The following DPY19L3 variants were observed in gnomAD, a reference collection of about 807,000 sequenced individuals.
DPY19L3 encodes the protein protein C-mannosyl-transferase DPY19L3.
A neutral mutation model predicts 92.3 loss-of-function variants in DPY19L3; 51 were observed. That is an observed-to-expected ratio of 0.55 (90% CI 0.44 to 0.70). The LOEUF is 0.70. DPY19L3 is among the 30% of genes least tolerant of loss of function. The pLI is 0.00. For missense variants in DPY19L3, 706 were observed against 855.9 expected (o/e 0.82, Z 2.18); for synonymous variants, 309 against 315.2 (o/e 0.98, Z 0.21).
rs1969180274 is a variant in DPY19L3, at chr19:32,437,459, T to C, written c.596+120T>C. The C allele has an allele frequency of 1.9e-5, 22 of 1,186,574 alleles. No individual in the cohort carries two copies. The South Asian group carries it at 3.6e-4, about 20-fold the overall frequency. The allele number at this position is 1,186,574 out of a possible 1,614,324, so 73.5% of individuals were successfully genotyped here. A position where few individuals can be genotyped will look rare whatever the true frequency, so the allele number is the denominator to read the frequency against. On this transcript the variant is annotated intron_variant, in intron 6 of 18. Coordinates refer to ENST00000392250, the MANE Select transcript of DPY19L3 (RefSeq NM_001172774.2). ...TTGTTTGGTTGGGAGCAGTTTCTCT[T>C]TGGTTTGCCTGGTGGTTTACTCAAT...
At chr19:32,451,692 C>A (rs1414420192) in intron 8 of DPY19L3, among the ~76,000 whole-genome samples, 1 of 152,126 alleles carries the variant, frequency 6.6e-6, no homozygotes, top group Non-Finnish European at 1.5e-5. Context: ...TTAGGGACTG[C>A]CTTTTTTTTC....
At chr19:32,416,596 A>G (rs747222174) in intron 3 of DPY19L3, among the ~76,000 whole-genome samples, 3 of 152,246 alleles carry the variant, frequency 2.0e-5, no homozygotes, top group Non-Finnish European at 2.9e-5. Context: ...TTATGACTAC[A>G]GATTTATTAT....
At chr19:32,458,641 G>A (rs574406819) in intron 12 of DPY19L3, 132 bp downstream of exon 12, 33 of 915,616 alleles carry the variant, frequency 3.6e-5, no homozygotes, top group Admixed American at 2.9e-4. Context: ...AACATACCTC[G>A]TTTAGAGTGG....
Position 32,410,267 on chromosome 19 carries a change from G to A in DPY19L3, c.104-972G>A, listed in dbSNP as rs1463029792. Among the ~76,000 whole-genome samples the A allele has an allele frequency of 2.0e-5, 3 of 151,800 alleles. No homozygotes were observed. In the East Asian group the frequency reaches 5.8e-4, roughly 29 times the overall value. ...TCATGTCCTTAATCTTTTTCCTACT[G>A]CAGTATTCATCTTGACAGGACAATA... On this transcript the variant is annotated intron_variant, in intron 2 of 18. Coordinates refer to ENST00000392250, the MANE Select transcript of DPY19L3 (RefSeq NM_001172774.2).
intron 16 of DPY19L3, among the ~76,000 whole-genome samples, chr19:32,476,799 C>T (rs950209136): frequency 6.6e-6 from 1 of 152,072 alleles, no homozygotes; most frequent in Non-Finnish European, 1.5e-5. Context: ...AAAATAATTG[C>T]GTTTTCACAT....
intron 16 of DPY19L3, among the ~76,000 whole-genome samples, chr19:32,471,645 G>A (rs924975646): frequency 6.6e-6 from 1 of 152,268 alleles, no homozygotes; most frequent in Non-Finnish European, 1.5e-5. Context: ...GAGGCATTAC[G>A]TTGTGCTCCT....
chr19:32,454,583 A>G (rs1969807492), intron 9 of DPY19L3, among the ~76,000 whole-genome samples: 1 of 152,192 alleles, frequency 6.6e-6, no homozygotes, highest in Non-Finnish European at 1.5e-5. Context: ...CAAAAGAAAA[A>G]GAAAAAAAGA....
chr19:32,473,874 G>A (rs1970427813), intron 16 of DPY19L3, among the ~76,000 whole-genome samples: 1 of 152,162 alleles, frequency 6.6e-6, no homozygotes, highest in African/African-American at 2.4e-5. Context: ...CGTGATCTCG[G>A]CTCACTGCAA....
chr19:32,478,629 G>T (rs997006724), intron 17 of DPY19L3, among the ~76,000 whole-genome samples: 1 of 152,144 alleles, frequency 6.6e-6, no homozygotes, highest in African/African-American at 2.4e-5. Context: ...GGAGGGTGGT[G>T]CCCCTTTCTC....
Position 32,478,316 on chromosome 19 carries a change from C to T in DPY19L3, c.1830+662C>T, listed in dbSNP as rs926533531. Among the ~76,000 whole-genome samples, 5 of 152,186 alleles carry T rather than the reference C, an allele frequency of 3.3e-5. No homozygotes were observed. The South Asian group carries it at 6.2e-4, about 19-fold the overall frequency. On this transcript the variant is annotated intron_variant, in intron 17 of 18. Transcript: ENST00000392250. ...CCCAGGGAAGAACCGAGAAGACACA[C>T]GCCTTGAGATGTGCAGAAGAGCGCA...
intron 3 of DPY19L3, among the ~76,000 whole-genome samples, chr19:32,428,333 T>C (rs1331193108): frequency 6.6e-6 from 1 of 152,094 alleles, no homozygotes; most frequent in Non-Finnish European, 1.5e-5. Flanking sequence ...TGTTTTGTTT[T>C]TTTTAAAAAA....
intron 9 of DPY19L3, among the ~76,000 whole-genome samples, 185 bp from the exon 10 acceptor site, chr19:32,454,754 A>G (rs1352991909): frequency 1.3e-5 from 2 of 152,312 alleles, no homozygotes; most frequent in South Asian, 2.1e-4. Flanking sequence ...TTCATTTACT[A>G]CTAGAAAATC....
At chr19:32,429,474 G>C (rs1033226525) in intron 3 of DPY19L3, among the ~76,000 whole-genome samples, 1 of 152,180 alleles carries the variant, frequency 6.6e-6, no homozygotes, top group Non-Finnish European at 1.5e-5. Flanking sequence ...CTGTACAGCT[G>C]GTGCTAGATT....
chr19:32,483,103 C>CT lies in DPY19L3; in HGVS notation c.*868dup. 1 of 152,176 alleles carries CT rather than the reference C, an allele frequency of 6.6e-6. No homozygotes were observed. The highest frequency in any genetic ancestry group is 6.5e-5 in the Admixed American group (1 of 15,292). The allele number at this position is 152,176 out of a possible 1,614,324, so 9.4% of individuals were successfully genotyped here. A position where few individuals can be genotyped will look rare whatever the true frequency, so the allele number is the denominator to read the frequency against. ...TATTGGGTTTGCAAAATTTTGTAAACTTTTTGTGTTTTTAGCCTTTGTATT... is the reference window on the plus strand; with the variant it reads ...TATTGGGTTTGCAAAATTTTGTAAACTTTTTTGTGTTTTTAGCCTTTGTATT... On this transcript the variant is annotated 3_prime_UTR_variant, in exon 19 of 19. Coordinates refer to ENST00000392250, the MANE Select transcript of DPY19L3 (RefSeq NM_001172774.2).
intron 3 of DPY19L3, among the ~76,000 whole-genome samples, chr19:32,429,255 T>C (rs1968879871): frequency 6.6e-6 from 1 of 152,256 alleles, no homozygotes; most frequent in Non-Finnish European, 1.5e-5. Context: ...ATGGAACCTG[T>C]GCAAATTGAA....
intron 3 of DPY19L3, among the ~76,000 whole-genome samples, chr19:32,422,100 C>T (rs546483168): frequency 6.6e-6 from 1 of 152,194 alleles, no homozygotes; most frequent in African/African-American, 2.4e-5. Flanking sequence ...CACATTCTGA[C>T]ATAACTGATA....
At chr19:32,475,597 G>A (rs1290210096) in intron 16 of DPY19L3, among the ~76,000 whole-genome samples, 1 of 152,224 alleles carries the variant, frequency 6.6e-6, no homozygotes, top group Non-Finnish European at 1.5e-5. Flanking sequence ...GTTTCCTTTA[G>A]CAATTACACT....
chr19:32,441,985 A>G (rs560978228), intron 8 of DPY19L3, among the ~76,000 whole-genome samples: 1 of 152,340 alleles, frequency 6.6e-6, no homozygotes, highest in South Asian at 2.1e-4. Context: ...CATTATTACA[A>G]TGAAAGGATC....
chr19:32,417,713 A>G (rs1273897671), intron 3 of DPY19L3, among the ~76,000 whole-genome samples: 1 of 152,208 alleles, frequency 6.6e-6, no homozygotes, highest in African/African-American at 2.4e-5. Flanking sequence ...ACTTTCTGCC[A>G]TGATTGTGAG....
Sources: gnomAD v4.1 joint callset for allele counts (sites outside exome capture counted in the v4.1 genomes callset) on GRCh38, gnomAD v4.1.1 for gene constraint, MANE v1.5 for transcripts, NCBI Gene and HGNC (gene_info 2026-07-23, HGNC 2026-07-21) for gene names.